SLC10A7: variants seen among roughly 807,000 people sequenced by gnomAD.
SLC10A7 encodes solute carrier family 10 member 7, also known as sodium/bile acid cotransporter 7.
SLC10A7 carries 29 observed loss-of-function variants against 43.2 expected under a neutral mutation model. The ratio of observed to expected loss-of-function variants is 0.67; its 90% CI spans 0.50 to 0.92. SLC10A7 has a LOEUF of 0.92. Ranked by LOEUF, SLC10A7 falls within the 40% of genes least tolerant of loss-of-function variation. SLC10A7 has a pLI of 0.00. For missense variants in SLC10A7, 295 were observed against 403.2 expected, an observed-to-expected ratio of 0.73 and a Z score of 2.30; for synonymous variants, 152 against 144.8, an observed-to-expected ratio of 1.05 and a Z score of -0.35.
rs772099922 is a variant in SLC10A7, at chr4:146,442,792, T to G, written c.426A>C (p.Gly142=). ...AACTATGTTTACTTACCAAAAAACTTCCAAAGGCTGAATTAAATATTGCAG... is the reference window on the plus strand; with the variant it reads ...AACTATGTTTACTTACCAAAAAACTGCCAAAGGCTGAATTAAATATTGCAG... ...EAAAIFNSAF[G]SFLGIVITPL... Residue 142 remains glycine, a synonymous_variant, in exon 5 of 12, where the codon GGA becomes GGC. Transcript: ENST00000335472. The G allele has an allele frequency of 6.2e-7, 1 of 1,601,704 alleles. No individual in the cohort carries two copies. The highest frequency in any genetic ancestry group is 1.3e-5 in the African/African-American group (1 of 74,302).
intron 4 of SLC10A7, among the ~76,000 whole-genome samples, chr4:146,495,628 T>C (rs1436936362): frequency 6.6e-6 from 1 of 152,168 alleles, no homozygotes; most frequent in Admixed American, 6.6e-5. Context: ...TAGAAAACCT[T>C]TTTTAAATAC....
intron 4 of SLC10A7, among the ~76,000 whole-genome samples, chr4:146,468,733 A>AT (rs1560938278): frequency 2.0e-5 from 3 of 152,090 alleles, no homozygotes; most frequent in African/African-American, 7.2e-5. Flanking sequence ...AAATGCAGGG[A>AT]TTACAGGCGT....
intron 5 of SLC10A7, among the ~76,000 whole-genome samples, chr4:146,377,315 C>T (rs898060006): frequency 2.0e-5 from 3 of 152,114 alleles, no homozygotes; most frequent in Non-Finnish European, 4.4e-5. Flanking sequence ...ACCCAGGTAC[C>T]AAGAGGGCAG....
chr4:146,261,453 TTG>T (rs1292982046), intron 10 of SLC10A7, among the ~76,000 whole-genome samples: 2 of 152,260 alleles, frequency 1.3e-5, no homozygotes, highest in African/African-American at 2.4e-5. Context: ...CTGCATTTAT[TTG>T]TCTTGTTCCC....
intron 5 of SLC10A7, among the ~76,000 whole-genome samples, chr4:146,377,157 G>C (rs559105625): frequency 6.6e-6 from 1 of 152,228 alleles, no homozygotes; most frequent in African/African-American, 2.4e-5. Flanking sequence ...AATAAATTTT[G>C]TTTTTAAGAG....
rs75881869 is a variant in SLC10A7 at position 146,289,174 on chromosome 4, C to A, written c.773+3755G>T. The stretch of plus-strand genomic sequence containing the variant: ...AGCTGGGTGGCACTGAACAAGCTAC[C>A]CAGGGTGCCAAGGCTTAGTTGCCTC... On this transcript the variant is annotated intron_variant, in intron 9 of 11. Transcript: ENST00000335472. 1.3e-3 allele frequency among the ~76,000 whole-genome samples: 193 copies of A among 152,262 alleles called. 2 individuals carry two copies. Among genetic ancestry groups the A allele is most frequent in the African/African-American group, 4.5e-3 (187 of 41,546 alleles).
intron 7 of SLC10A7, among the ~76,000 whole-genome samples, chr4:146,296,828 C>T (rs1374531112): frequency 6.6e-6 from 1 of 152,090 alleles, no homozygotes; most frequent in Non-Finnish European, 1.5e-5. Context: ...GTTGACATGC[C>T]TCAAAGATAT....
chr4:146,383,473 A>T (rs1031965347), intron 5 of SLC10A7, among the ~76,000 whole-genome samples: 3 of 152,220 alleles, frequency 2.0e-5, no homozygotes, highest in African/African-American at 7.2e-5. Flanking sequence ...TACACCAAGT[A>T]AGCAATGGGA....
chr4:146,281,545 C>T (rs904887433), intron 10 of SLC10A7, among the ~76,000 whole-genome samples: 5 of 152,128 alleles, frequency 3.3e-5, no homozygotes, highest in African/African-American at 7.2e-5. Context: ...CATTCGATCC[C>T]TGCACTCTGT....
intron 5 of SLC10A7, among the ~76,000 whole-genome samples, chr4:146,365,487 T>G (rs960187710): frequency 6.6e-6 from 1 of 152,222 alleles, no homozygotes; most frequent in Admixed American, 6.5e-5. Flanking sequence ...CACAGTTAAC[T>G]GCAGTTTTGG....
intron 5 of SLC10A7, among the ~76,000 whole-genome samples, chr4:146,380,313 T>G (rs1579040942): frequency 1.3e-5 from 2 of 152,168 alleles, no homozygotes; most frequent in East Asian, 3.8e-4. Flanking sequence ...TAACCATGCA[T>G]TCACTAGTCA....
intron 5 of SLC10A7, among the ~76,000 whole-genome samples, chr4:146,399,579 T>G (rs1284574451): frequency 1.3e-5 from 2 of 152,160 alleles, no homozygotes; most frequent in Non-Finnish European, 2.9e-5. Context: ...ATCTTGAATT[T>G]GAATAGTCAT....
intron 6 of SLC10A7, among the ~76,000 whole-genome samples, chr4:146,323,630 G>A (rs1181191399): frequency 6.6e-6 from 1 of 152,162 alleles, no homozygotes; most frequent in African/African-American, 2.4e-5. Context: ...CTGTAGCCTT[G>A]TAGTATATTT....
chr4:146,259,382 G>A (rs1437343234), intron 10 of SLC10A7, among the ~76,000 whole-genome samples: 1 of 152,168 alleles, frequency 6.6e-6, no homozygotes, highest in Non-Finnish European at 1.5e-5. Flanking sequence ...TTCAGCCAAG[G>A]ATCTTAAAGT....
intron 5 of SLC10A7, among the ~76,000 whole-genome samples, chr4:146,419,792 T>A (rs1048970834): frequency 3.3e-5 from 5 of 151,830 alleles, no homozygotes; most frequent in African/African-American, 1.2e-4. Context: ...GCTGAGATCA[T>A]GCCACTGCAC....
intron 4 of SLC10A7, among the ~76,000 whole-genome samples, chr4:146,487,690 C>T (rs1193384592): frequency 2.0e-5 from 3 of 152,172 alleles, no homozygotes; most frequent in Non-Finnish European, 4.4e-5. Flanking sequence ...CTCCCAACTA[C>T]AAAACCAGAA....
At position 146,258,817 on chromosome 4, in the gene SLC10A7, C is replaced by T. The variant is rs760016229; in HGVS notation, c.868G>A (p.Val290Met). The change falls in exon 11 of 12, where the codon GTG becomes ATG. Residue 290 changes from valine to methionine, a missense_variant. Physicochemically the swap from Val to Met is conservative, Grantham distance 21. Around this residue, in one of 2 missense-constraint regions of SLC10A7, gnomAD observed 242 missense variants for 362.5 expected, o/e 0.67. Transcript: ENST00000335472. The part of the protein sequence containing the change: ...LTLGIPMLKI[V>M]FAGHEHLSLI... ...GAGAGATGCTCATGGCCTGCAAACACGATCTTCAGCATCGGAATTCCTGTT... is the reference window on the plus strand; with the variant it reads ...GAGAGATGCTCATGGCCTGCAAACATGATCTTCAGCATCGGAATTCCTGTT... 17 of 1,607,072 alleles carry T rather than the reference C, an allele frequency of 1.1e-5. 1 individual carries two copies. The highest frequency in any genetic ancestry group is 1.6e-4 in the Middle Eastern group (1 of 6,072).
At chr4:146,307,241 T>C (rs1430310200) in intron 6 of SLC10A7, among the ~76,000 whole-genome samples, 7 of 152,304 alleles carry the variant, frequency 4.6e-5, no homozygotes, top group Non-Finnish European at 1.0e-4. Context: ...TCATTGGCCC[T>C]GTGTTCATTG....
intron 5 of SLC10A7, among the ~76,000 whole-genome samples, chr4:146,327,715 G>A (rs1046626536): frequency 6.6e-6 from 1 of 152,226 alleles, no homozygotes; most frequent in Non-Finnish European, 1.5e-5. Context: ...CTATAAACAA[G>A]GTTCAATATA....
Sources: gnomAD v4.1 joint callset for allele counts (sites outside exome capture counted in the v4.1 genomes callset) on GRCh38, gnomAD v4.1.1 for gene constraint, gnomAD v4.1.1 regional missense constraint, MANE v1.5 for transcripts, NCBI Gene and HGNC (gene_info 2026-07-23, HGNC 2026-07-21) for gene names.